Variants in PDE4D observed in about 807,000 individuals in gnomAD.
The protein encoded by PDE4D is phosphodiesterase 4D.
PDE4D carries 24 observed loss-of-function variants against 87.4 expected under a neutral mutation model. The ratio of observed to expected loss-of-function variants is 0.27; its 90% CI spans 0.20 to 0.39. The LOEUF (loss-of-function observed/expected upper bound fraction) is 0.39. PDE4D is among the 10% of genes least tolerant of loss of function. PDE4D has a pLI of 1.00. For synonymous variants in PDE4D, 384 were observed against 383.2 expected, an observed-to-expected ratio of 1.00 and a Z score of -0.02; for missense variants, 714 against 1,041.0, an observed-to-expected ratio of 0.69 and a Z score of 4.32.
At chr5:59,671,542 T>G (rs1025522472) in intron 1 of PDE4D, among the ~76,000 whole-genome samples, 2 of 152,110 alleles carry the variant, frequency 1.3e-5, no homozygotes, top group Non-Finnish European at 2.9e-5. Flanking sequence ...GCATGACGAC[T>G]CACACCTGTA....
chr5:60,041,696 G>C (rs1157068673), intron 2 of PDE4D, among the ~76,000 whole-genome samples: 1 of 152,182 alleles, frequency 6.6e-6, no homozygotes, highest in Non-Finnish European at 1.5e-5. Flanking sequence ...GGAAGTTCAA[G>C]GGGTTGGGGA....
chr5:60,353,819 A>G (rs1247674770), intron 1 of PDE4D, among the ~76,000 whole-genome samples: 1 of 152,178 alleles, frequency 6.6e-6, no homozygotes, highest in East Asian at 1.9e-4. Context: ...CTATATATTG[A>G]CCAGGCGGCC....
rs200543248 is a variant in PDE4D at position 60,093,691 on chromosome 5, AG to A, written c.42+91865del. Among the ~76,000 whole-genome samples the A allele has an allele frequency of 9.2e-5, 14 of 152,348 alleles. No homozygotes were observed. In the East Asian group the frequency reaches 2.7e-3, roughly 29 times the overall value. ...ACAAGGCTTATGCCATGCTCTCTCT[AG>A]AAAAATGCAAAAATGAAAATATTCT... On this transcript the variant is annotated intron_variant, in intron 2 of 16. Transcript: ENST00000502484.
At chr5:59,035,940 T>C (rs1459897546) in intron 6 of PDE4D, among the ~76,000 whole-genome samples, 3 of 152,192 alleles carry the variant, frequency 2.0e-5, no homozygotes, top group African/African-American at 7.2e-5. Flanking sequence ...GCATCCTACA[T>C]GTGTTACAGC....
At chr5:60,046,870 T>C (rs1582357717) in intron 2 of PDE4D, among the ~76,000 whole-genome samples, 2 of 152,376 alleles carry the variant, frequency 1.3e-5, no homozygotes, top group South Asian at 2.1e-4. Flanking sequence ...ATCAGGATGA[T>C]GCTGGCCTCA....
intron 1 of PDE4D, among the ~76,000 whole-genome samples, chr5:59,758,436 T>C (rs1382139624): frequency 6.6e-6 from 1 of 152,190 alleles, no homozygotes; most frequent in Non-Finnish European, 1.5e-5. Context: ...AGATCAACTT[T>C]TCAAGATCTC....
chr5:59,132,414 G>C (rs1561540350), intron 5 of PDE4D, among the ~76,000 whole-genome samples: 1 of 152,102 alleles, frequency 6.6e-6, no homozygotes, highest in Non-Finnish European at 1.5e-5. Flanking sequence ...TGTCATGAAG[G>C]AACAAATGTG....
intron 5 of PDE4D, among the ~76,000 whole-genome samples, chr5:59,088,474 C>G (rs1768113593): frequency 1.3e-5 from 2 of 152,126 alleles, no homozygotes; most frequent in Admixed American, 1.3e-4. Flanking sequence ...GAATATAAAT[C>G]ATTCTATTAT....
rs375799321 is a variant in PDE4D, at chr5:59,051,248, C to G, written c.809-12277G>C. On this transcript the variant is annotated intron_variant, in intron 5 of 14. Coordinates refer to ENST00000340635, the MANE Select transcript of PDE4D (RefSeq NM_001104631.2). ...GTAGCCAGGTGTGTGTGGCACATGT[C>G]TGTAGTTCCAGCTTCTTGGGAGGCT... Among the ~76,000 whole-genome samples, 5 of 152,330 alleles carry G rather than the reference C, an allele frequency of 3.3e-5. No homozygotes were observed. In the East Asian group the frequency reaches 7.7e-4, roughly 24 times the overall value.
At chr5:60,437,732 A>G (rs1200588163) in intron 1 of PDE4D, among the ~76,000 whole-genome samples, 1 of 152,156 alleles carries the variant, frequency 6.6e-6, no homozygotes, top group Non-Finnish European at 1.5e-5. Context: ...TCCATTATGG[A>G]AATTCAGTTG....
intron 1 of PDE4D, among the ~76,000 whole-genome samples, chr5:60,349,861 T>C (rs902233846): frequency 6.6e-6 from 1 of 152,146 alleles, no homozygotes; most frequent in Non-Finnish European, 1.5e-5. Context: ...TATCAGTACA[T>C]GTTTTGAGAG....
rs1831905802 is a variant in PDE4D, at chr5:59,633,958, C to A, written c.455+259210G>T. ...CACAGGCTGGCAAACTAGACAGAGTCAAGACCCATCAATGTGCTGTATTTA... is the reference window on the plus strand; with the variant it reads ...CACAGGCTGGCAAACTAGACAGAGTAAAGACCCATCAATGTGCTGTATTTA... On this transcript the variant is annotated intron_variant, in intron 1 of 14. Transcript: ENST00000340635. 2.0e-5 allele frequency among the ~76,000 whole-genome samples: 3 copies of A among 151,994 alleles called. No individual in the cohort carries two copies. In the South Asian group the frequency reaches 6.2e-4, roughly 31 times the overall value.
intron 1 of PDE4D, among the ~76,000 whole-genome samples, chr5:60,202,543 T>C (rs1742039014): frequency 6.6e-6 from 1 of 152,004 alleles, no homozygotes; most frequent in African/African-American, 2.4e-5. Flanking sequence ...TGGGAAAATA[T>C]TACATATTAC....
At chr5:60,205,158 A>G (rs1342504348) in intron 1 of PDE4D, among the ~76,000 whole-genome samples, 1 of 152,100 alleles carries the variant, frequency 6.6e-6, no homozygotes, top group African/African-American at 2.4e-5. Flanking sequence ...GTCCGCTGTC[A>G]GCTGCCAGGC....
intron 1 of PDE4D, among the ~76,000 whole-genome samples, chr5:59,363,184 G>A (rs1163044942): frequency 6.6e-6 from 1 of 152,132 alleles, no homozygotes; most frequent in Non-Finnish European, 1.5e-5. Flanking sequence ...TCTCATTTGA[G>A]AGAGAGCCAT....
In PDE4D at chr5:59,767,717, T is replaced by C. The variant is rs1333123531; in HGVS notation, c.455+125451A>G. On this transcript the variant is annotated intron_variant, in intron 1 of 14. Coordinates refer to ENST00000340635, the MANE Select transcript of PDE4D (RefSeq NM_001104631.2). ...CTTTCTTCTTTCCTTTGGAAAGGCA[T>C]GTTTAAGATTATGAATACTGTATAT... Among the ~76,000 whole-genome samples the C allele has an allele frequency of 4.6e-5, 7 of 152,154 alleles. No homozygotes were observed. The East Asian group carries it at 1.2e-3, about 25-fold the overall frequency.
chr5:60,406,814 C>T (rs995613771), intron 1 of PDE4D, among the ~76,000 whole-genome samples: 10 of 151,892 alleles, frequency 6.6e-5, no homozygotes, highest in Non-Finnish European at 1.2e-4. Flanking sequence ...GACCACGTGG[C>T]ACAATTAGCT....
intron 1 of PDE4D, among the ~76,000 whole-genome samples, chr5:59,779,957 C>A (rs1764444688): frequency 6.6e-6 from 1 of 152,188 alleles, no homozygotes; most frequent in Non-Finnish European, 1.5e-5. Context: ...TCTTTGAGAT[C>A]CCACGTTTTT....
intron 1 of PDE4D, among the ~76,000 whole-genome samples, chr5:59,294,810 G>A (rs1284949458): frequency 6.6e-6 from 1 of 152,146 alleles, no homozygotes; most frequent in Non-Finnish European, 1.5e-5. Context: ...AATATTTGTG[G>A]CTGTAGAGGA....
Sources: allele counts gnomAD v4.1 joint callset (sites outside exome capture counted in the v4.1 genomes callset), GRCh38; gene constraint gnomAD v4.1.1; transcripts MANE v1.5; gene names NCBI Gene and HGNC (gene_info 2026-07-23, HGNC 2026-07-21).